The following CALB2 variants were observed in gnomAD, a reference collection of about 807,000 sequenced individuals.
CALB2 encodes the protein calbindin 2, also known as calretinin.
In CALB2, 34 loss-of-function variants were observed where a neutral mutation model predicts 45.9. That is an observed-to-expected ratio of 0.74 (90% CI 0.56 to 0.99). The LOEUF (loss-of-function observed/expected upper bound fraction) is 0.99, where lower values mean the gene tolerates loss of function less well. CALB2 is among the 50% of genes least tolerant of loss of function. The pLI, the probability that CALB2 is intolerant of heterozygous loss-of-function variation, is 0.00. For synonymous variants in CALB2, 142 were observed against 129.6 expected, an observed-to-expected ratio of 1.10 and a Z score of -0.65; for missense variants, 344 against 339.3, an observed-to-expected ratio of 1.01 and a Z score of -0.11.
chr16:71,384,765 A>G lies in CALB2; in HGVS notation c.574-18A>G. ...CACTGCGCTTCTGCTTCTGTCTTTAATACCCTGGTTCTTGCAGGGCATGAA... is the reference window on the plus strand; with the variant it reads ...CACTGCGCTTCTGCTTCTGTCTTTAGTACCCTGGTTCTTGCAGGGCATGAA... On this transcript the variant is annotated intron_variant, in intron 8 of 10. Transcript: ENST00000302628. 7.8e-7 allele frequency: 1 copy of G among 1,276,762 alleles called. No homozygotes were observed. The highest frequency in any genetic ancestry group is 1.0e-6 in the Non-Finnish European group (1 of 995,684). 79.1% of individuals were successfully genotyped at this position (1,276,762 alleles called of 1,614,324 possible). A position where few individuals can be genotyped will look rare whatever the true frequency, so the allele number is the denominator to read the frequency against.
At chr16:71,384,263 C>G in intron 7 of CALB2, 76 bp from the exon 8 acceptor site, 2 of 1,240,412 alleles carry the variant, frequency 1.6e-6, no homozygotes, top group South Asian at 1.2e-5. Flanking sequence ...CTGCAGGCAC[C>G]GCCTCTGCCT....
intron 6 of CALB2, among the ~76,000 whole-genome samples, chr16:71,383,667 G>A (rs1337731204): frequency 6.6e-6 from 1 of 152,130 alleles, no homozygotes; most frequent in Non-Finnish European, 1.5e-5. Context: ...CTGTCTCCAT[G>A]GCAACCTCTG....
chr16:71,367,759 T>G (rs1416796701), intron 1 of CALB2, among the ~76,000 whole-genome samples: 1 of 152,208 alleles, frequency 6.6e-6, no homozygotes, highest in Non-Finnish European at 1.5e-5. Context: ...GCTTACTGCA[T>G]TGAACCACAT....
intron 9 of CALB2, chr16:71,385,376 C>T: frequency 2.1e-6 from 1 of 479,668 alleles, no homozygotes; most frequent in East Asian, 3.1e-5. Context: ...TGAAAGGCTA[C>T]CCAAAGCTTG....
intron 1 of CALB2, 56 bp downstream of exon 1, chr16:71,358,942 G>C (rs2042211826): frequency 6.8e-7 from 1 of 1,464,186 alleles, no homozygotes; most frequent in Non-Finnish European, 9.4e-7. Context: ...CTGCGGTGAA[G>C]GGGGCAGGGG....
At chr16:71,370,809 C>G (rs941719303) in intron 1 of CALB2, among the ~76,000 whole-genome samples, 8 of 152,206 alleles carry the variant, frequency 5.3e-5, no homozygotes, top group African/African-American at 1.4e-4. Context: ...GCCTGATTTC[C>G]CACCCACAAA....
rs535776697 is a variant in CALB2, at chr16:71,374,898, A to C, written c.261+64A>C. The C allele has an allele frequency of 3.5e-3, 3,903 of 1,103,914 alleles. 17 individuals carry two copies. The highest frequency in any genetic ancestry group is 4.5e-3 in the Non-Finnish European group (3,260 of 725,794). The allele number at this position is 1,103,914 out of a possible 1,614,324, so 68.4% of individuals were successfully genotyped here. On this transcript the variant is annotated intron_variant, in intron 3 of 10. Transcript: ENST00000302628. ...GGCCCTGGGTCCCTGTGCCTCTCCC[A>C]GGCATGAGCATCCTGCTGAGGATTG...
chr16:71,367,510 C>G (rs989122263), intron 1 of CALB2, among the ~76,000 whole-genome samples: 3 of 152,152 alleles, frequency 2.0e-5, no homozygotes, highest in Non-Finnish European at 2.9e-5. Context: ...GCCAGAGCAG[C>G]GAAGGCCATT....
chr16:71,369,661 T>C (rs1012999952), intron 1 of CALB2, among the ~76,000 whole-genome samples: 1 of 152,160 alleles, frequency 6.6e-6, no homozygotes, highest in Non-Finnish European at 1.5e-5. Flanking sequence ...TGACACGCAC[T>C]CGTGGTGCCA....
rs1171021532 is a variant in CALB2 at position 71,366,024 on chromosome 16, C to CTTTTTTTTTTTTTTTTTTTTTTTTTTTT, written c.95-6109_95-6108insTTTTTTTTTTTTTTTTTTTTTTTTTTTT. Among the ~76,000 whole-genome samples the CTTTTTTTTTTTTTTTTTTTTTTTTTTTT allele has an allele frequency of 2.7e-4, 12 of 45,062 alleles. 4 individuals carry two copies. Among genetic ancestry groups the CTTTTTTTTTTTTTTTTTTTTTTTTTTTT allele is most frequent in the African/African-American group, 1.2e-3 (12 of 10,424 alleles). The allele number at this position is 45,062 out of a possible 152,430, so 29.6% of individuals were successfully genotyped here. A position where few individuals can be genotyped will look rare whatever the true frequency, so the allele number is the denominator to read the frequency against. On this transcript the variant is annotated intron_variant, in intron 1 of 10. Transcript: ENST00000302628. The stretch of plus-strand genomic sequence containing the variant: ...TCTTTGTTTTCTTCCCTCTCTCTCT[C>CTTTTTTTTTTTTTTTTTTTTTTTTTTTT]TTTTTTTTTTTTTTTTTTTTGAGAT...
intron 9 of CALB2, 81 bp from the exon 10 acceptor site, chr16:71,385,496 C>A: frequency 8.0e-7 from 1 of 1,243,150 alleles, no homozygotes; most frequent in Non-Finnish European, 1.2e-6. Flanking sequence ...AGAGGCTAGA[C>A]TCTTAGACAT....
At chr16:71,389,142 C>G (rs185466616) in intron 10 of CALB2, among the ~76,000 whole-genome samples, 1 of 151,962 alleles carries the variant, frequency 6.6e-6, no homozygotes, top group African/African-American at 2.4e-5. Flanking sequence ...GAGCCGAGAT[C>G]GTGTCACTTC....
intron 1 of CALB2, among the ~76,000 whole-genome samples, chr16:71,360,780 T>C (rs2042230301): frequency 6.6e-6 from 1 of 152,228 alleles, no homozygotes; most frequent in Non-Finnish European, 1.5e-5. Context: ...GGGCAGACCA[T>C]GACTCCCCTT....
rs1598181040 is a variant in CALB2, at chr16:71,390,033, T to C, written c.*168T>C. 1 of 598,678 alleles carries C rather than the reference T, an allele frequency of 1.7e-6. No individual in the cohort carries two copies. The allele number at this position is 598,678 out of a possible 1,614,324, so 37.1% of individuals were successfully genotyped here. On this transcript the variant is annotated 3_prime_UTR_variant, in exon 11 of 11. Coordinates refer to ENST00000302628, the MANE Select transcript of CALB2 (RefSeq NM_001740.5). ...GATAGAGGATGGGCAGCTGGGGGGCTGTCCTGAGCCCCCTGCACCCACCCC... is the reference window on the plus strand; with the variant it reads ...GATAGAGGATGGGCAGCTGGGGGGCCGTCCTGAGCCCCCTGCACCCACCCC...
At chr16:71,361,893 T>C (rs1005761132) in intron 1 of CALB2, among the ~76,000 whole-genome samples, 1 of 151,966 alleles carries the variant, frequency 6.6e-6, no homozygotes, top group African/African-American at 2.4e-5. Context: ...CAGGAAGAGG[T>C]GAAGGGGGAA....
At chr16:71,383,910 G>T in intron 6 of CALB2, 60 bp from the exon 7 acceptor site, 2 of 1,569,102 alleles carry the variant, frequency 1.3e-6, no homozygotes, top group Non-Finnish European at 1.8e-6. Flanking sequence ...CCAGTAAAAG[G>T]GGATGTCAGG....
chr16:71,372,369 T>C, intron 2 of CALB2, 140 bp downstream of exon 2: 2 of 612,120 alleles, frequency 3.3e-6, no homozygotes, highest in Non-Finnish European at 5.7e-6. Context: ...GGATAAAAAA[T>C]AGACTGTCCC....
intron 1 of CALB2, among the ~76,000 whole-genome samples, chr16:71,366,724 G>C (rs1731641531): frequency 6.6e-6 from 1 of 152,160 alleles, no homozygotes; most frequent in African/African-American, 2.4e-5. Context: ...CTTAAGAGGA[G>C]GGAGTATAAA....
At chr16:71,368,228 G>T (rs2042309247) in intron 1 of CALB2, among the ~76,000 whole-genome samples, 4 of 152,184 alleles carry the variant, frequency 2.6e-5, no homozygotes, top group Admixed American at 1.3e-4. Context: ...GCTCAATAAA[G>T]GTTCCTCCAA....
Sources: gnomAD v4.1 joint callset for allele counts (sites outside exome capture counted in the v4.1 genomes callset) on GRCh38, gnomAD v4.1.1 for gene constraint, MANE v1.5 for transcripts, NCBI Gene and HGNC (gene_info 2026-07-23, HGNC 2026-07-21) for gene names.